RAMP1: variants seen among roughly 807,000 people sequenced by gnomAD.
RAMP1 encodes the protein receptor activity modifying protein 1.
RAMP1 carries 7 observed loss-of-function variants against 8.2 expected under a neutral mutation model. The ratio of observed to expected loss-of-function variants is 0.85; its 90% CI spans 0.49 to 1.60. The LOEUF (loss-of-function observed/expected upper bound fraction) is 1.60, where lower values mean the gene tolerates loss of function less well. Ranked by LOEUF, RAMP1 falls within the 40% of genes most tolerant of loss-of-function variation. The probability of loss-of-function intolerance (pLI) is 0.00; values close to 1 mark genes in which losing one functional copy is unlikely to be tolerated. For missense variants in RAMP1, 192 were observed against 202.4 expected (o/e 0.95, Z 0.31); for synonymous variants, 92 against 84.7 (o/e 1.09, Z -0.47).
intron 2 of RAMP1, among the ~76,000 whole-genome samples, chr2:237,901,767 T>C (rs771504721): frequency 6.6e-6 from 1 of 152,126 alleles, no homozygotes; most frequent in Non-Finnish European, 1.5e-5. Context: ...AAGCCCAGCA[T>C]GCAGAGTGGA....
upstream of RAMP1, chr2:237,859,574 C>T: frequency 1.2e-6 from 1 of 865,384 alleles, no homozygotes; most frequent in Non-Finnish European, 1.4e-6. Context: ...CTCCCGCGCC[C>T]GCTCCCGCCC....
At chr2:237,868,603 A>C (rs973197857) in intron 1 of RAMP1, among the ~76,000 whole-genome samples, 8 of 149,990 alleles carry the variant, frequency 5.3e-5, no homozygotes, top group African/African-American at 1.5e-4. Context: ...AAAAAAAAAA[A>C]CAGTTCCTGA....
chr2:237,864,721 T>C (rs1475675553), intron 1 of RAMP1, among the ~76,000 whole-genome samples: 1 of 152,262 alleles, frequency 6.6e-6, no homozygotes, highest in South Asian at 2.1e-4. Context: ...ACACCAAATG[T>C]CCATAGTGCC....
At chr2:237,883,816 C>CAAAA (rs56095303) in intron 2 of RAMP1, among the ~76,000 whole-genome samples, 8 of 61,476 alleles carry the variant, frequency 1.3e-4, no homozygotes, top group Non-Finnish European at 2.5e-4. Context: ...GACCCTACCT[C>CAAAA]AAAAAAAAAA....
Position 237,862,780 on chromosome 2 carries a change from C to G in RAMP1, c.52+3053C>G, listed in dbSNP as rs2062144790. 6.6e-6 allele frequency among the ~76,000 whole-genome samples: 1 copy of G among 152,162 alleles called. No homozygotes were observed. The highest frequency in any genetic ancestry group is 2.4e-5 in the African/African-American group (1 of 41,440). On this transcript the variant is annotated intron_variant, in intron 1 of 2. Transcript: ENST00000254661. This position sits in a 1 kb window ranked among gnomAD's most constrained non-coding sequence, Gnocchi z 4.0. ...GGGCTGGCCCTCAGTGGTCTCTGAG[C>G]CAGGCCTGGCCATCCAGATGGTCCC...
At chr2:237,885,120 T>C (rs530124741) in intron 2 of RAMP1, among the ~76,000 whole-genome samples, 1 of 152,372 alleles carries the variant, frequency 6.6e-6, no homozygotes, top group East Asian at 1.9e-4. Context: ...TTGTGTCTCC[T>C]GCTAAAAGAG....
intron 2 of RAMP1, among the ~76,000 whole-genome samples, chr2:237,886,959 C>T (rs1239733894): frequency 2.0e-5 from 3 of 152,224 alleles, no homozygotes; most frequent in Non-Finnish European, 2.9e-5. Context: ...ACAGCAGCCA[C>T]ACCCCCAGAA....
At chr2:237,872,320 A>C (rs115342921) in intron 1 of RAMP1, among the ~76,000 whole-genome samples, 261 of 152,306 alleles carry the variant, frequency 1.7e-3, no homozygotes, top group African/African-American at 6.1e-3. Context: ...AGTGACGGTG[A>C]TGATGGCCAC....
At chr2:237,900,447 C>T (rs1340645996) in intron 2 of RAMP1, among the ~76,000 whole-genome samples, 1 of 112,758 alleles carries the variant, frequency 8.9e-6, no homozygotes, top group African/African-American at 3.3e-5. Context: ...AGGCGTGAGC[C>T]ACCGCACCTG....
At chr2:237,893,935 T>A (rs1425081745) in intron 2 of RAMP1, among the ~76,000 whole-genome samples, 3 of 151,304 alleles carry the variant, frequency 2.0e-5, no homozygotes, top group African/African-American at 7.3e-5. Context: ...CACAAAACTT[T>A]GTCTCAAAAA....
At chr2:237,886,298 A>G (rs975227996) in intron 2 of RAMP1, among the ~76,000 whole-genome samples, 1 of 152,162 alleles carries the variant, frequency 6.6e-6, no homozygotes, top group African/African-American at 2.4e-5. Context: ...GCTGGTTTTC[A>G]GCACTGGAGA....
intron 2 of RAMP1, among the ~76,000 whole-genome samples, chr2:237,885,652 G>T (rs1190617841): frequency 6.6e-6 from 1 of 152,226 alleles, no homozygotes; most frequent in African/African-American, 2.4e-5. Flanking sequence ...GGCGAGCATT[G>T]CCCAGGCCGA....
Position 237,866,469 on chromosome 2 carries a change from A to G in RAMP1, c.52+6742A>G, listed in dbSNP as rs150590283. ...TTTCCCTGTTTTGTTCTCCAGTCGT[A>G]CTGTGTTGGAGAGTGACTCACTGCT... On this transcript the variant is annotated intron_variant, in intron 1 of 2. Coordinates refer to ENST00000254661, the MANE Select transcript of RAMP1 (RefSeq NM_005855.4). Among the ~76,000 whole-genome samples, 1,110 of 152,140 alleles carry G rather than the reference A, an allele frequency of 7.3e-3. 2 individuals are homozygous for G. Among genetic ancestry groups the G allele is most frequent in the Non-Finnish European group, 0.012 (799 of 67,998 alleles).
chr2:237,875,971 G>T (rs1012093980), intron 1 of RAMP1, among the ~76,000 whole-genome samples: 1 of 152,166 alleles, frequency 6.6e-6, no homozygotes, highest in Admixed American at 6.5e-5. Context: ...AGTGCTCTCT[G>T]GTCCATACCA....
rs1193615945 is a variant in RAMP1 at position 237,911,882 on chromosome 2, CA to C, written c.*100del. On this transcript the variant is annotated 3_prime_UTR_variant, in exon 3 of 3. Coordinates refer to ENST00000254661, the MANE Select transcript of RAMP1 (RefSeq NM_005855.4). ...CTGGAGCCTTGGGACAGAGCAGGCC[CA>C]CAATGCCCCCCTTCTTCCAGCCAAG... 3.5e-6 allele frequency: 5 copies of C among 1,440,432 alleles called. No homozygotes were observed. Among genetic ancestry groups the C allele is most frequent in the Non-Finnish European group, 4.6e-6 (5 of 1,087,778 alleles). The allele number at this position is 1,440,432 out of a possible 1,614,324, so 89.2% of individuals were successfully genotyped here.
At chr2:237,899,156 C>T (rs953379648) in intron 2 of RAMP1, among the ~76,000 whole-genome samples, 5 of 152,054 alleles carry the variant, frequency 3.3e-5, no homozygotes, top group Non-Finnish European at 7.3e-5. Context: ...CTGCAACCTC[C>T]GCCTCCCGGG....
At chr2:237,906,395 A>G (rs1301683796) in intron 2 of RAMP1, among the ~76,000 whole-genome samples, 1 of 152,166 alleles carries the variant, frequency 6.6e-6, no homozygotes, top group Middle Eastern at 3.2e-3. Flanking sequence ...CAGTGACCGT[A>G]CGATAGGGGC....
chr2:237,876,109 G>A (rs1226024614), intron 1 of RAMP1, among the ~76,000 whole-genome samples: 2 of 152,156 alleles, frequency 1.3e-5, no homozygotes, highest in East Asian at 1.9e-4. Context: ...GGTGCCCGGC[G>A]CATCGGGGCA....
intron 2 of RAMP1, among the ~76,000 whole-genome samples, chr2:237,892,268 C>T (rs1039498394): frequency 5.7e-5 from 8 of 141,580 alleles, no homozygotes; most frequent in Admixed American, 1.4e-4. Context: ...TTTTTTCTTT[C>T]TTTCTTTCTT....
Sources: gnomAD v4.1 joint callset for allele counts (sites outside exome capture counted in the v4.1 genomes callset) on GRCh38, gnomAD v4.1.1 for gene constraint, Gnocchi (gnomAD v3.1) non-coding constraint, MANE v1.5 for transcripts, NCBI Gene and HGNC (gene_info 2026-07-23, HGNC 2026-07-21) for gene names.